RBM19: variants seen among roughly 807,000 people sequenced by gnomAD.
RBM19 encodes the protein RNA binding motif protein 19.
In RBM19, 94 loss-of-function variants were observed where a neutral mutation model predicts 116.8. The observed-to-expected ratio is 0.80, with a 90% CI of 0.68 to 0.95. The LOEUF is 0.95. Ranked by LOEUF, RBM19 falls within the 40% of genes least tolerant of loss-of-function variation. The pLI is 0.00. For synonymous variants in RBM19, 475 were observed against 494.1 expected (o/e 0.96, Z 0.51); for missense variants, 1,161 against 1,220.7 (o/e 0.95, Z 0.73).
intron 22 of RBM19, among the ~76,000 whole-genome samples, chr12:113,855,672 G>A (rs950688476): frequency 6.6e-6 from 1 of 152,134 alleles, no homozygotes; most frequent in Admixed American, 6.5e-5. Flanking sequence ...GATCATGGAG[G>A]ATCCTCTACC....
intron 14 of RBM19, among the ~76,000 whole-genome samples, chr12:113,940,898 T>C (rs1593622485): frequency 6.6e-6 from 1 of 152,348 alleles, no homozygotes; most frequent in East Asian, 1.9e-4. Flanking sequence ...ACAGAGCATT[T>C]ATTTCACAGG....
In RBM19 at chr12:113,947,384, G is replaced by C; in HGVS notation, c.1357C>G (p.Pro453Ala). 1.9e-6 allele frequency: 3 copies of C among 1,611,202 alleles called. No homozygotes were observed. Among genetic ancestry groups the C allele is most frequent in the African/African-American group, 2.7e-5 (2 of 75,018 alleles). ...GAGTAGGCCTTCACAGCGTGCTCAG[G>C]GAACATGAAGGTGATGAATGCAAAA... Reference protein sequence around the residue: ...KGFAFITFMFPEHAVKAYSEV... With the variant: ...KGFAFITFMFAEHAVKAYSEV... Residue 453 changes from proline (P) to alanine (A), a missense_variant, in exon 11 of 24, where the codon CCT becomes GCT. Pro to Ala is a conservative substitution (Grantham distance 27). Transcript: ENST00000261741.
chr12:113,940,455 T>C (rs1437206805), intron 14 of RBM19, among the ~76,000 whole-genome samples: 5 of 152,230 alleles, frequency 3.3e-5, no homozygotes, highest in African/African-American at 9.6e-5. Context: ...AGGCTTCCAG[T>C]GGCTGGGGTC....
chr12:113,897,950 T>C (rs1881451555), intron 21 of RBM19, among the ~76,000 whole-genome samples: 1 of 152,226 alleles, frequency 6.6e-6, no homozygotes, highest in Non-Finnish European at 1.5e-5. Flanking sequence ...AGAAGCTTCA[T>C]TTAACCTTGG....
intron 21 of RBM19, among the ~76,000 whole-genome samples, chr12:113,913,975 C>T (rs900799543): frequency 1.1e-4 from 16 of 152,188 alleles, no homozygotes; most frequent in Non-Finnish European, 1.0e-4. Flanking sequence ...GGGGCCTTGG[C>T]TTCAAGCATT....
At chr12:113,833,776 C>T (rs1875636560) in intron 23 of RBM19, among the ~76,000 whole-genome samples, 1 of 152,220 alleles carries the variant, frequency 6.6e-6, no homozygotes, top group African/African-American at 2.4e-5. Context: ...TAGGGTCTTG[C>T]TCTGTTGCCC....
At chr12:113,961,661 ACCTGAGTGGAGCCCACT>A (rs1872513434) in intron 2 of RBM19, among the ~76,000 whole-genome samples, 1 of 152,202 alleles carries the variant, frequency 6.6e-6, no homozygotes, top group South Asian at 2.1e-4. Flanking sequence ...TACACGAGTG[ACCTGAGTGGAGCCCACT>A]CCTCCAGGAA....
intron 21 of RBM19, among the ~76,000 whole-genome samples, chr12:113,859,245 C>T (rs1173932930): frequency 2.6e-5 from 4 of 152,324 alleles, no homozygotes; most frequent in African/African-American, 4.8e-5. Flanking sequence ...AGCCAGGCTC[C>T]GGTTGAGGGG....
downstream of RBM19, among the ~76,000 whole-genome samples, chr12:113,818,449 A>G (rs577901816): frequency 1.6e-4 from 25 of 152,210 alleles, no homozygotes; most frequent in African/African-American, 6.0e-4. Flanking sequence ...CCTCCCCAAC[A>G]TGGCGCAGCG....
intron 21 of RBM19, among the ~76,000 whole-genome samples, chr12:113,880,996 G>C (rs73207435): frequency 0.011 from 1,675 of 152,292 alleles, 16 homozygotes; most frequent in Non-Finnish European, 0.017. Flanking sequence ...ACGCGGGTGA[G>C]TTTTGGGCTG....
At chr12:113,955,077 C>T (rs1871799760) in intron 7 of RBM19, 54 bp downstream of exon 7, 1 of 1,577,282 alleles carries the variant, frequency 6.3e-7, no homozygotes. Flanking sequence ...GGCCTCCCCA[C>T]CCTCGTCTCC....
chr12:113,893,857 C>G (rs1226349323), intron 21 of RBM19, among the ~76,000 whole-genome samples: 1 of 152,206 alleles, frequency 6.6e-6, no homozygotes, highest in Non-Finnish European at 1.5e-5. Context: ...TTCAAGTGCT[C>G]AGGAGCGACA....
chr12:113,826,245 G>A (rs1004601388), intron 23 of RBM19, among the ~76,000 whole-genome samples: 5 of 152,150 alleles, frequency 3.3e-5, no homozygotes, highest in Non-Finnish European at 5.9e-5. Flanking sequence ...CATGTCTCCC[G>A]GTCTCACTGT....
chr12:113,897,932 G>A (rs531316066), intron 21 of RBM19, among the ~76,000 whole-genome samples: 2 of 152,342 alleles, frequency 1.3e-5, no homozygotes, highest in Admixed American at 1.3e-4. Flanking sequence ...GACATGCCAA[G>A]GAGCACCAGA....
intron 21 of RBM19, among the ~76,000 whole-genome samples, chr12:113,905,193 C>G (rs1012963176): frequency 4.2e-4 from 64 of 152,228 alleles, no homozygotes; most frequent in African/African-American, 1.5e-3. Flanking sequence ...AACAAAGCCA[C>G]TGGATATCAA....
chr12:113,949,045 AAG>A lies in RBM19; in HGVS notation c.1073-11_1073-10del. Reference sequence around the variant, plus strand: ...CTCGATGTAGCGCCCACCTGCAATGAAGAGGAGTCAGGGCTCCAGGGGGAGGC... The same window carrying A: ...CTCGATGTAGCGCCCACCTGCAATGAAGGAGTCAGGGCTCCAGGGGGAGGC... On this transcript the variant is annotated splice_polypyrimidine_tract_variant and intron_variant, in intron 9 of 23. Coordinates refer to ENST00000261741, the MANE Select transcript of RBM19 (RefSeq NM_016196.4). 6.2e-7 allele frequency: 1 copy of A among 1,609,258 alleles called. No individual in the cohort carries two copies.
intron 22 of RBM19, among the ~76,000 whole-genome samples, chr12:113,847,855 T>G (rs1016059462): frequency 6.6e-6 from 1 of 152,216 alleles, no homozygotes; most frequent in African/African-American, 2.4e-5. Flanking sequence ...AATTCCCTCT[T>G]TTGGCTTCTT....
At chr12:113,867,781 C>G (rs1005187882) in intron 21 of RBM19, among the ~76,000 whole-genome samples, 1 of 152,044 alleles carries the variant, frequency 6.6e-6, no homozygotes, top group Non-Finnish European at 1.5e-5. Flanking sequence ...CAAAAATTAG[C>G]CAGGCATGGT....
At chr12:113,887,565 A>AG (rs71089427) in intron 21 of RBM19, among the ~76,000 whole-genome samples, 142,714 of 142,718 alleles carry the variant, frequency 1, 71,355 homozygotes, top group Non-Finnish European at 1. Context: ...TAAACCCGGG[A>AG]GTGAGGTTGC....
Sources: gnomAD v4.1 joint callset for allele counts (sites outside exome capture counted in the v4.1 genomes callset) on GRCh38, gnomAD v4.1.1 for gene constraint, MANE v1.5 for transcripts, NCBI Gene and HGNC (gene_info 2026-07-23, HGNC 2026-07-21) for gene names.